The following RAB17 variants were observed in gnomAD, a reference collection of about 807,000 sequenced individuals.
RAB17 encodes the protein RAB17, member RAS oncogene family.
RAB17 carries 15 observed loss-of-function variants against 19.3 expected under a neutral mutation model. That is an observed-to-expected ratio of 0.78 (90% CI 0.52 to 1.20). The LOEUF (loss-of-function observed/expected upper bound fraction) is 1.20, where lower values mean the gene tolerates loss of function less well. Among genes scored for constraint, RAB17 ranks in the 50% most tolerant of loss-of-function variants. The pLI is 0.00. For missense variants in RAB17, 262 were observed against 269.3 expected, an observed-to-expected ratio of 0.97 and a Z score of 0.19; for synonymous variants, 110 against 112.8, an observed-to-expected ratio of 0.97 and a Z score of 0.16.
At chr2:237,589,895 G>T (rs1249402255) in intron 1 of RAB17, among the ~76,000 whole-genome samples, 2 of 152,194 alleles carry the variant, frequency 1.3e-5, no homozygotes, top group African/African-American at 4.8e-5. Context: ...TTCCAGGGAA[G>T]GGTCTGATTG....
intron 4 of RAB17, 110 bp from the exon 5 acceptor site, chr2:237,575,590 A>T: frequency 1.3e-6 from 1 of 766,936 alleles, no homozygotes; most frequent in Non-Finnish European, 2.2e-6. Context: ...TGGAGCCCGC[A>T]CTCCTCCACG....
chr2:237,576,881 A>G (rs1288839568), intron 4 of RAB17, among the ~76,000 whole-genome samples: 1 of 152,166 alleles, frequency 6.6e-6, no homozygotes, highest in Non-Finnish European at 1.5e-5. Flanking sequence ...TTCTCGTTCA[A>G]GCCGAGCCCA....
intron 2 of RAB17, among the ~76,000 whole-genome samples, chr2:237,581,999 C>T (rs546970422): frequency 2.6e-4 from 39 of 152,384 alleles, no homozygotes; most frequent in African/African-American, 6.0e-4. Context: ...GTCCAGCCCC[C>T]GTCCCTGACA....
chr2:237,580,600 G>A (rs13389908), intron 2 of RAB17, among the ~76,000 whole-genome samples: 1,947 of 152,242 alleles, frequency 0.013, 46 homozygotes, highest in African/African-American at 0.043. Flanking sequence ...TTAGCCAGGT[G>A]TGCTGGCATG....
chr2:237,576,591 G>A (rs570140374), intron 4 of RAB17: 5 of 471,202 alleles, frequency 1.1e-5, no homozygotes, highest in East Asian at 1.4e-4. Flanking sequence ...CGCGCCCGTC[G>A]GTCTAAGCCC....
chr2:237,588,036 G>A (rs377695127), intron 1 of RAB17, among the ~76,000 whole-genome samples: 76 of 152,242 alleles, frequency 5.0e-4, no homozygotes, highest in African/African-American at 1.8e-3. Flanking sequence ...CACAGCACCT[G>A]TGCTTTGAAA....
At chr2:237,589,610 T>C (rs1454246109) in intron 1 of RAB17, among the ~76,000 whole-genome samples, 2 of 104,790 alleles carry the variant, frequency 1.9e-5, no homozygotes, top group Non-Finnish European at 3.4e-5. Flanking sequence ...AAGCTTTCAA[T>C]AATGAGAGGT....
chr2:237,583,259 G>A (rs1192179583), intron 2 of RAB17, among the ~76,000 whole-genome samples: 1 of 151,954 alleles, frequency 6.6e-6, no homozygotes, highest in East Asian at 1.9e-4. Flanking sequence ...GATGGCTTGA[G>A]CCCAGGAGGC....
At chr2:237,580,177 T>G (rs750016884) in intron 2 of RAB17, among the ~76,000 whole-genome samples, 2 of 152,214 alleles carry the variant, frequency 1.3e-5, no homozygotes, top group Admixed American at 1.3e-4. Context: ...TCACCCAGGG[T>G]GGCTGTTAAA....
chr2:237,574,421 C>G lies in RAB17; in HGVS notation c.*598G>C. On this transcript the variant is annotated 3_prime_UTR_variant, in exon 6 of 6. Transcript: ENST00000264601. Reference sequence around the variant, plus strand: ...TCTCAGAATCTTCCTGCTCATTGGACAGAAACTCAGCTTCACCACATTGCC... The same window carrying G: ...TCTCAGAATCTTCCTGCTCATTGGAGAGAAACTCAGCTTCACCACATTGCC... 6.5e-7 allele frequency: 1 copy of G among 1,547,606 alleles called. No individual in the cohort carries two copies. The highest frequency in any genetic ancestry group is 8.7e-7 in the Non-Finnish European group (1 of 1,145,034).
chr2:237,578,189 G>A (rs1329908754), intron 2 of RAB17, 34 bp from the exon 3 acceptor site: 14 of 1,578,170 alleles, frequency 8.9e-6, no homozygotes, highest in Non-Finnish European at 1.2e-5. Flanking sequence ...CTTACTCAGA[G>A]GACGAGGTTG....
At chr2:237,580,437 C>T (rs1314428793) in intron 2 of RAB17, among the ~76,000 whole-genome samples, 1 of 152,138 alleles carries the variant, frequency 6.6e-6, no homozygotes, top group African/African-American at 2.4e-5. Flanking sequence ...TTTCCTTTTC[C>T]ATGTTGAAAA....
At chr2:237,578,536 C>A in intron 2 of RAB17, 1 of 174,780 alleles carries the variant, frequency 5.7e-6, no homozygotes, top group Non-Finnish European at 1.2e-5. Context: ...GAGCCCTGGG[C>A]ACCCCCGGCC....
rs753193582 is a variant in RAB17, at chr2:237,577,363, T to C, written c.329A>G (p.Gln110Arg). The C allele has an allele frequency of 3.1e-6, 5 of 1,610,048 alleles. No homozygotes were observed. The highest frequency in any genetic ancestry group is 4.2e-6 in the Non-Finnish European group (5 of 1,177,564). ...CTCCTCCAGGTCCTTCAGCCACTGCTGAGCCTTGAGGAAGGAATCCTAGAA... is the reference window on the plus strand; with the variant it reads ...CTCCTCCAGGTCCTTCAGCCACTGCCGAGCCTTGAGGAAGGAATCCTAGAA... ...ITRKDSFLKA[Q>R]QWLKDLEEEL... is the part of the protein sequence containing the mutation. Residue 110 changes from glutamine to arginine, a missense_variant, in exon 4 of 6, where the codon CAG (glutamine) becomes CGG (arginine). By Grantham distance (43) the Gln-to-Arg change is conservative. Coordinates refer to ENST00000264601, the MANE Select transcript of RAB17 (RefSeq NM_022449.4).
chr2:237,574,345 T>A lies in RAB17; in HGVS notation c.*674A>T, dbSNP rs1380305886. On this transcript the variant is annotated 3_prime_UTR_variant, in exon 6 of 6. Coordinates refer to ENST00000264601, the MANE Select transcript of RAB17 (RefSeq NM_022449.4). Reference sequence around the variant, plus strand: ...GCCAGATTGTCAAAAGCAATTTAATTTTTGGAGGAAAAACTGCATACGCAG... The same window carrying A: ...GCCAGATTGTCAAAAGCAATTTAATATTTGGAGGAAAAACTGCATACGCAG... The A allele has an allele frequency of 6.9e-7, 1 of 1,439,784 alleles. No homozygotes were observed. The highest frequency in any genetic ancestry group is 2.8e-5 in the Admixed American group (1 of 35,642). The allele number at this position is 1,439,784 out of a possible 1,614,324, so 89.2% of individuals were successfully genotyped here. A position where few individuals can be genotyped will look rare whatever the true frequency, so the allele number is the denominator to read the frequency against.
At chr2:237,580,758 G>T (rs548148222) in intron 2 of RAB17, among the ~76,000 whole-genome samples, 2 of 151,954 alleles carry the variant, frequency 1.3e-5, no homozygotes, top group East Asian at 1.9e-4. Flanking sequence ...AAAAAGAAGG[G>T]GGGGGAGGAG....
intron 1 of RAB17, among the ~76,000 whole-genome samples, chr2:237,588,021 C>T (rs933154947): frequency 2.6e-5 from 4 of 152,084 alleles, no homozygotes; most frequent in African/African-American, 7.2e-5. Context: ...ATGAAGAGCA[C>T]ATAACACAGC....
intron 2 of RAB17, among the ~76,000 whole-genome samples, chr2:237,580,979 C>T (rs1226569252): frequency 1.3e-5 from 2 of 152,210 alleles, no homozygotes; most frequent in South Asian, 2.1e-4. Flanking sequence ...AACCTAGTCT[C>T]GTGCACTCCG....
chr2:237,576,134 T>C (rs1401454745), intron 4 of RAB17, among the ~76,000 whole-genome samples: 1 of 152,144 alleles, frequency 6.6e-6, no homozygotes, highest in African/African-American at 2.4e-5. Flanking sequence ...GGCTCCTGAC[T>C]GTCCAGCCAG....
Sources: gnomAD v4.1 joint callset for allele counts (sites outside exome capture counted in the v4.1 genomes callset) on GRCh38, gnomAD v4.1.1 for gene constraint, MANE v1.5 for transcripts, NCBI Gene and HGNC (gene_info 2026-07-23, HGNC 2026-07-21) for gene names.